The following RPRD2 variants were observed in gnomAD, a reference collection of about 807,000 sequenced individuals.
RPRD2 encodes regulation of nuclear pre-mRNA domain-containing protein 2.
In RPRD2, 12 loss-of-function variants were observed where a neutral mutation model predicts 104.4. The ratio of observed to expected loss-of-function variants is 0.11; its 90% CI spans 0.07 to 0.19. RPRD2 has a LOEUF of 0.19. RPRD2 is among the 10% of genes least tolerant of loss of function. RPRD2 has a pLI of 1.00. For synonymous variants in RPRD2, 714 were observed against 684.9 expected (o/e 1.04, Z -0.66); for missense variants, 1,543 against 1,790.1 (o/e 0.86, Z 2.49).
intron 1 of RPRD2, among the ~76,000 whole-genome samples, chr1:150,386,057 A>C (rs2102153469): frequency 6.6e-6 from 1 of 152,318 alleles, no homozygotes; most frequent in African/African-American, 2.4e-5. Flanking sequence ...CATTAAGGTA[A>C]GAAAGATAAA....
At position 150,473,126 on chromosome 1, in the gene RPRD2, G is replaced by A. The variant is rs1411569448; in HGVS notation, c.4178G>A (p.Ser1393Asn). The A allele has an allele frequency of 6.2e-7, 1 of 1,613,860 alleles. No homozygotes were observed. ...HGGGGGGGSN[S>N]SSGPPLGPSH... ...GGAGGAGGTGGGGGAGGCAGCAACA[G>A]CAGCAGTGGCCCCCCCTTGGGTCCC... Residue 1393 changes from serine (S) to asparagine (N), a missense_variant, in exon 11 of 11, where the codon AGC (serine) becomes AAC (asparagine). Ser to Asn is a conservative substitution (Grantham distance 46, BLOSUM62 1). This residue lies in a region of RPRD2 where 880 missense variants were observed against 885.6 expected (regional missense o/e 0.99). Coordinates refer to ENST00000369068, the MANE Select transcript of RPRD2 (RefSeq NM_015203.5).
At chr1:150,456,783 G>C (rs1667559691) in intron 7 of RPRD2, among the ~76,000 whole-genome samples, 1 of 151,312 alleles carries the variant, frequency 6.6e-6, no homozygotes, top group Non-Finnish European at 1.5e-5. Context: ...AAATTAGCCG[G>C]GTGTGGTGGT....
intron 1 of RPRD2, among the ~76,000 whole-genome samples, chr1:150,394,570 A>T (rs1226248244): frequency 2.6e-5 from 4 of 152,240 alleles, no homozygotes; most frequent in South Asian, 2.1e-4. Context: ...CTGAACTTTC[A>T]ACCTTTTTGT....
chr1:150,456,967 T>C (rs587647600), intron 7 of RPRD2, among the ~76,000 whole-genome samples: 2 of 150,824 alleles, frequency 1.3e-5, no homozygotes, highest in African/African-American at 4.9e-5. Flanking sequence ...CTCATGCCTA[T>C]AATCCCAGCA....
At chr1:150,421,087 G>A (rs1553889562) in intron 2 of RPRD2, among the ~76,000 whole-genome samples, 1 of 152,200 alleles carries the variant, frequency 6.6e-6, no homozygotes, top group African/African-American at 2.4e-5. Flanking sequence ...CAGCAGGCCA[G>A]ATTTGGTCTG....
chr1:150,453,270 A>G (rs587642063), intron 7 of RPRD2, among the ~76,000 whole-genome samples: 2 of 151,926 alleles, frequency 1.3e-5, no homozygotes, highest in East Asian at 1.9e-4. Context: ...TGACCTCATG[A>G]TCTGTGCTCC....
intron 2 of RPRD2, among the ~76,000 whole-genome samples, chr1:150,433,555 C>T (rs1007349779): frequency 6.8e-6 from 1 of 147,454 alleles, no homozygotes; most frequent in South Asian, 2.1e-4. Flanking sequence ...TGCCATTCTC[C>T]TGCCTCAGCC....
intron 1 of RPRD2, among the ~76,000 whole-genome samples, chr1:150,408,564 G>GACATGT (rs1553887070): frequency 6.6e-6 from 1 of 151,826 alleles, no homozygotes; most frequent in African/African-American, 2.4e-5. Context: ...GTTATTTACA[G>GACATGT]ACATGTACTT....
chr1:150,417,749 T>C (rs1255781458), intron 2 of RPRD2, 24 bp downstream of exon 2: 5 of 1,547,266 alleles, frequency 3.2e-6, no homozygotes, highest in Non-Finnish European at 4.4e-6. Context: ...TATTGCTCTA[T>C]GGGATCTAAA....
chr1:150,388,375 C>CGTGT (rs33946912), intron 1 of RPRD2, among the ~76,000 whole-genome samples: 2 of 142,962 alleles, frequency 1.4e-5, no homozygotes, highest in African/African-American at 2.8e-5. Context: ...CATGTATACA[C>CGTGT]ATATACACGT....
At position 150,470,946 on chromosome 1, in the gene RPRD2, A is replaced by G. The variant is rs918548264; in HGVS notation, c.1998A>G (p.Pro666=). The G allele has an allele frequency of 1.4e-5, 23 of 1,613,878 alleles. No homozygotes were observed. The highest frequency in any genetic ancestry group is 1.9e-5 in the Non-Finnish European group (23 of 1,179,886). ...AGCTGGAGTCAGAGTCCACCTCCCC[A>G]AGCCTGGAAATGAAGATTCACAACT... ...KPKLESESTS[P]SLEMKIHNFL... Residue 666 remains proline (P), a synonymous_variant, in exon 11 of 11, where the codon CCA becomes CCG. Coordinates refer to ENST00000369068, the MANE Select transcript of RPRD2 (RefSeq NM_015203.5).
chr1:150,443,532 A>G (rs1271787588), intron 5 of RPRD2, among the ~76,000 whole-genome samples: 1 of 152,236 alleles, frequency 6.6e-6, no homozygotes, highest in Non-Finnish European at 1.5e-5. Context: ...AATTTATGCC[A>G]GCAAGAGAGT....
At chr1:150,366,623 C>T (rs1659863610) in intron 1 of RPRD2, among the ~76,000 whole-genome samples, 1 of 152,110 alleles carries the variant, frequency 6.6e-6, no homozygotes, top group Non-Finnish European at 1.5e-5. Context: ...GATTTACAAA[C>T]GAGGAAACTA....
intron 1 of RPRD2, among the ~76,000 whole-genome samples, chr1:150,379,653 C>T (rs1008259772): frequency 5.3e-5 from 8 of 152,032 alleles, no homozygotes; most frequent in African/African-American, 1.4e-4. Context: ...CTGCCCGCCT[C>T]GGCCTCCCTA....
intron 1 of RPRD2, among the ~76,000 whole-genome samples, chr1:150,384,190 G>A (rs1553881320): frequency 6.6e-6 from 1 of 152,076 alleles, no homozygotes; most frequent in African/African-American, 2.4e-5. Context: ...CCTGGAACGT[G>A]CTTGGGGAAA....
intron 1 of RPRD2, among the ~76,000 whole-genome samples, chr1:150,389,070 T>A (rs1268100112): frequency 6.6e-6 from 1 of 152,102 alleles, no homozygotes; most frequent in Non-Finnish European, 1.5e-5. Context: ...AGAGTCTTGC[T>A]CTGTTGCCCA....
At chr1:150,417,573 T>A (rs782489780) in intron 1 of RPRD2, 23 bp from the exon 2 acceptor site, 8 of 1,496,462 alleles carry the variant, frequency 5.3e-6, no homozygotes, top group Admixed American at 2.1e-5. Flanking sequence ...TTGGTTTTAT[T>A]TATTGTCTTT....
intron 1 of RPRD2, among the ~76,000 whole-genome samples, chr1:150,410,637 A>T (rs1663827354): frequency 6.6e-6 from 1 of 152,176 alleles, no homozygotes; most frequent in Non-Finnish European, 1.5e-5. Context: ...ACAGGCACAC[A>T]CACACTTTTT....
intron 1 of RPRD2, among the ~76,000 whole-genome samples, chr1:150,371,755 A>T (rs950175128): frequency 6.6e-6 from 1 of 152,092 alleles, no homozygotes; most frequent in Non-Finnish European, 1.5e-5. Flanking sequence ...GGCATTCTTG[A>T]TCTACAGTAT....
Sources: allele counts gnomAD v4.1 joint callset (sites outside exome capture counted in the v4.1 genomes callset), GRCh38; gene constraint gnomAD v4.1.1; regional missense constraint gnomAD v4.1.1; transcripts MANE v1.5; gene names NCBI Gene and HGNC (gene_info 2026-07-23, HGNC 2026-07-21).